Variants in PTPRD observed in about 807,000 individuals in gnomAD.
The protein encoded by PTPRD is receptor-type tyrosine-protein phosphatase delta.
PTPRD carries 34 observed loss-of-function variants against 214.5 expected under a neutral mutation model. The observed-to-expected ratio is 0.16, with a 90% CI of 0.12 to 0.21. The LOEUF (loss-of-function observed/expected upper bound fraction) is 0.21. Among genes scored for constraint, PTPRD ranks in the 10% least tolerant of loss-of-function variants. The probability of loss-of-function intolerance (pLI) is 1.00; values close to 1 mark genes in which losing one functional copy is unlikely to be tolerated. For missense variants in PTPRD, 2,545 were observed against 2,398.7 expected (o/e 1.06, Z -1.27); for synonymous variants, 1,128 against 845.7 (o/e 1.33, Z -5.79).
intron 11 of PTPRD, among the ~76,000 whole-genome samples, chr9:8,946,849 C>T (rs1006676522): frequency 6.6e-6 from 1 of 151,732 alleles, no homozygotes; most frequent in African/African-American, 2.4e-5. Context: ...TCATAATTTT[C>T]TCTTTGTCTC....
At chr9:10,607,138 G>A (rs1355260125) in intron 2 of PTPRD, among the ~76,000 whole-genome samples, 1 of 151,580 alleles carries the variant, frequency 6.6e-6, no homozygotes, top group African/African-American at 2.4e-5. Flanking sequence ...TTCCTTTTTA[G>A]CATCTAATGT....
intron 10 of PTPRD, among the ~76,000 whole-genome samples, chr9:9,071,436 C>G (rs919622048): frequency 6.6e-6 from 1 of 152,140 alleles, no homozygotes; most frequent in Non-Finnish European, 1.5e-5. Context: ...TAGGCCTTCT[C>G]TGAAGTTAGA....
chr9:9,492,470 G>A (rs924387132), intron 8 of PTPRD, among the ~76,000 whole-genome samples: 3 of 151,984 alleles, frequency 2.0e-5, no homozygotes, highest in Non-Finnish European at 4.4e-5. Flanking sequence ...AAAAACCAAT[G>A]ATGTTTATTC....
At chr9:8,615,338 A>C (rs528796652) in intron 14 of PTPRD, among the ~76,000 whole-genome samples, 4 of 152,240 alleles carry the variant, frequency 2.6e-5, no homozygotes, top group African/African-American at 9.6e-5. Flanking sequence ...AGGAGGGCAT[A>C]GTAAGTACAC....
At chr9:8,373,179 T>C (rs2082062307) in intron 39 of PTPRD, among the ~76,000 whole-genome samples, 1 of 152,004 alleles carries the variant, frequency 6.6e-6, no homozygotes. Flanking sequence ...CACGGATAAC[T>C]GTCATTTAAG....
chr9:8,809,286 CA>C (rs948288929), intron 11 of PTPRD, among the ~76,000 whole-genome samples: 1 of 151,562 alleles, frequency 6.6e-6, no homozygotes, highest in Non-Finnish European at 1.5e-5. Context: ...CTTTGCCAAC[CA>C]AAAAAAAGTG....
chr9:9,521,517 A>G (rs2154255000), intron 8 of PTPRD, among the ~76,000 whole-genome samples: 2 of 152,326 alleles, frequency 1.3e-5, no homozygotes, highest in Admixed American at 1.3e-4. Flanking sequence ...GTTCTTTCCA[A>G]GAATGCATTG....
chr9:10,515,316 C>T (rs2049688352), intron 2 of PTPRD, among the ~76,000 whole-genome samples: 1 of 151,894 alleles, frequency 6.6e-6, no homozygotes, highest in Non-Finnish European at 1.5e-5. Flanking sequence ...TTGAAAAATG[C>T]TAAATACTGA....
chr9:8,629,511 T>C (rs958384547), intron 14 of PTPRD, among the ~76,000 whole-genome samples: 2 of 151,792 alleles, frequency 1.3e-5, no homozygotes, highest in African/African-American at 4.8e-5. Context: ...CAACACTCTC[T>C]CTGGTCCTAT....
chr9:10,484,699 C>A (rs1193026676), intron 2 of PTPRD, among the ~76,000 whole-genome samples: 2 of 151,876 alleles, frequency 1.3e-5, no homozygotes, highest in Non-Finnish European at 2.9e-5. Flanking sequence ...ATTTTTTGCT[C>A]ATTTTTAGTC....
At chr9:10,232,950 A>C (rs1293759348) in intron 3 of PTPRD, among the ~76,000 whole-genome samples, 5 of 152,024 alleles carry the variant, frequency 3.3e-5, no homozygotes, top group Non-Finnish European at 7.4e-5. Flanking sequence ...CTATCATTTT[A>C]TCCACTGAAA....
At chr9:8,585,395 C>A (rs111264731) in intron 14 of PTPRD, among the ~76,000 whole-genome samples, 1 of 152,178 alleles carries the variant, frequency 6.6e-6, no homozygotes, top group Non-Finnish European at 1.5e-5. Flanking sequence ...CACTAAACTA[C>A]ACCAACTATA....
chr9:8,702,672 G>A (rs894796091), intron 12 of PTPRD, among the ~76,000 whole-genome samples: 1 of 152,184 alleles, frequency 6.6e-6, no homozygotes, highest in Non-Finnish European at 1.5e-5. Flanking sequence ...GGAGTGCAGT[G>A]GCACGATCTC....
At chr9:10,411,961 A>G (rs574961473) in intron 2 of PTPRD, among the ~76,000 whole-genome samples, 1 of 151,978 alleles carries the variant, frequency 6.6e-6, no homozygotes, top group Non-Finnish European at 1.5e-5. Context: ...TGTTCTTAAT[A>G]TAACAAATAT....
intron 26 of PTPRD, among the ~76,000 whole-genome samples, chr9:8,496,199 C>A (rs1031498291): frequency 6.1e-5 from 9 of 146,686 alleles, no homozygotes; most frequent in African/African-American, 2.3e-4. Context: ...CACACACACA[C>A]ACACACACAC....
intron 35 of PTPRD, 134 bp downstream of exon 35, chr9:8,436,458 T>C: frequency 3.2e-6 from 2 of 631,564 alleles, no homozygotes. Context: ...TGACGGTTCA[T>C]TATACATTTT....
intron 9 of PTPRD, among the ~76,000 whole-genome samples, chr9:9,365,172 C>T (rs1184282701): frequency 6.6e-6 from 1 of 151,448 alleles, no homozygotes; most frequent in East Asian, 2.0e-4. Context: ...AATATTGGAT[C>T]ACAGCTTTTT....
chr9:8,511,852 A>C (rs1390921812), intron 21 of PTPRD, among the ~76,000 whole-genome samples: 5 of 152,272 alleles, frequency 3.3e-5, no homozygotes, highest in Admixed American at 3.3e-4. Flanking sequence ...CTACTGATAC[A>C]TGTTAAGTAC....
intron 3 of PTPRD, among the ~76,000 whole-genome samples, chr9:10,297,539 T>G (rs1198411721): frequency 6.6e-6 from 1 of 151,610 alleles, no homozygotes; most frequent in Admixed American, 6.6e-5. Context: ...GTAACAGTGA[T>G]GCTTAGAGTT....
Sources: gnomAD v4.1 joint callset for allele counts (sites outside exome capture counted in the v4.1 genomes callset) on GRCh38, gnomAD v4.1.1 for gene constraint, MANE v1.5 for transcripts, NCBI Gene and HGNC (gene_info 2026-07-23, HGNC 2026-07-21) for gene names.